Variants in NDOR1 observed in about 807,000 individuals in gnomAD.
NDOR1 encodes the protein NADPH dependent diflavin oxidoreductase 1, also known as NADPH-dependent diflavin oxidoreductase 1.
In NDOR1, 61 loss-of-function variants were observed where a neutral mutation model predicts 67.2. That is an observed-to-expected ratio of 0.91 (90% CI 0.74 to 1.12). The LOEUF (loss-of-function observed/expected upper bound fraction) is 1.12. NDOR1 is among the 50% of genes most tolerant of loss of function. NDOR1 has a pLI of 0.00. For missense variants in NDOR1, 878 were observed against 802.8 expected, an observed-to-expected ratio of 1.09 and a Z score of -1.13; for synonymous variants, 378 against 343.7, an observed-to-expected ratio of 1.10 and a Z score of -1.10.
intron 2 of NDOR1, among the ~76,000 whole-genome samples, chr9:137,208,162 A>G (rs1000521730): frequency 6.8e-6 from 1 of 146,396 alleles, no homozygotes; most frequent in African/African-American, 2.5e-5. Context: ...AAAAAAAAAG[A>G]AAAAGAGCCG....
Position 137,215,339 on chromosome 9 carries a change from GGGCCCAC to G in NDOR1, c.1174-61_1174-55del. 3 of 1,564,708 alleles carry G rather than the reference GGGCCCAC, an allele frequency of 1.9e-6. No homozygotes were observed. In the East Asian group the frequency reaches 6.8e-5, roughly 35 times the overall value. On this transcript the variant is annotated intron_variant, in intron 9 of 13. Transcript: ENST00000684003. The stretch of plus-strand genomic sequence containing the variant: ...GGACTGCCTCTGCGGGAGGTAGGTG[GGGCCCAC>G]GGCCCAGGCACAGGTGAGGGCAGCC...
In NDOR1 at chr9:137,216,175, T is replaced by C. The variant is rs201673229; in HGVS notation, c.1636T>C (p.Phe546Leu). The change falls in exon 13 of 14, where the codon TTC (phenylalanine) becomes CTC (leucine). Residue 546 changes from phenylalanine (F) to leucine (L), a missense_variant. Physicochemically the swap from Phe to Leu is conservative, Grantham distance 22 (BLOSUM62 0). Coordinates refer to ENST00000684003, the MANE Select transcript of NDOR1 (RefSeq NM_014434.4). ...ACTGCTGGACCGCCAGGGTGCATACTTCTACCTGGCAGGGTGAGCTGGCCT... is the reference window on the plus strand; with the variant it reads ...ACTGCTGGACCGCCAGGGTGCATACCTCTACCTGGCAGGGTGAGCTGGCCT... ...WELLDRQGAY[F>L]YLAGNAKSMP... 6.8e-6 allele frequency: 11 copies of C among 1,613,358 alleles called. No individual in the cohort carries two copies. Among genetic ancestry groups the C allele is most frequent in the East Asian group, 4.5e-5 (2 of 44,896 alleles).
Position 137,206,023 on chromosome 9 carries a change from C to T in NDOR1, c.135+111C>T, listed in dbSNP as rs1467183692. On this transcript the variant is annotated intron_variant, in intron 1 of 13. Transcript: ENST00000684003. ...ATTTTCTCTGAGAGCGGGTCTTTCCCTTATGGCGGATTTAGGGAAGGAGGT... is the reference window on the plus strand; with the variant it reads ...ATTTTCTCTGAGAGCGGGTCTTTCCTTTATGGCGGATTTAGGGAAGGAGGT... 7 of 1,486,104 alleles carry T rather than the reference C, an allele frequency of 4.7e-6. No individual in the cohort carries two copies. The African/African-American group carries it at 5.6e-5, about 12-fold the overall frequency. 92.1% of individuals were successfully genotyped at this position (1,486,104 alleles called of 1,614,324 possible).
chr9:137,211,342 G>A (rs1835247242), intron 2 of NDOR1, among the ~76,000 whole-genome samples: 1 of 152,174 alleles, frequency 6.6e-6, no homozygotes, highest in South Asian at 2.1e-4. Context: ...GGGCCCTGCT[G>A]AGAATGAAAG....
chr9:137,209,719 G>A (rs1835157295), intron 2 of NDOR1, among the ~76,000 whole-genome samples: 1 of 152,222 alleles, frequency 6.6e-6, no homozygotes, highest in Non-Finnish European at 1.5e-5. Flanking sequence ...TGAGGCAGGT[G>A]CCCCCAGCAG....
chr9:137,215,187 C>T lies in NDOR1; in HGVS notation c.1158C>T (p.Ile386=), dbSNP rs141226458. The change falls in exon 9 of 14, where the codon ATC becomes ATT. Residue 386 remains isoleucine (I), a synonymous_variant. Coordinates refer to ENST00000684003, the MANE Select transcript of NDOR1 (RefSeq NM_014434.4). The part of the protein sequence containing the change: ...IPVIRPRAFS[I]ASSLLTHPSR... ...TTATCCGGCCGAGGGCCTTCTCCAT[C>T]GCCTCCTCGCTGCTGGTGAGGGGCC... The T allele has an allele frequency of 5.5e-5, 88 of 1,611,956 alleles. No homozygotes were observed. Among genetic ancestry groups the T allele is most frequent in the Non-Finnish European group, 7.3e-5 (86 of 1,179,684 alleles).
At position 137,212,061 on chromosome 9, in the gene NDOR1, G is replaced by A. The variant is rs1195070194; in HGVS notation, c.214-441G>A. ...ATGGACCTCAGAGGTCTGAGTATAG[G>A]AGCCTCTGGGACAGACCAACTCAGG... On this transcript the variant is annotated intron_variant, in intron 2 of 13. Coordinates refer to ENST00000684003, the MANE Select transcript of NDOR1 (RefSeq NM_014434.4). This position sits in a 1 kb window ranked among gnomAD's most constrained non-coding sequence, Gnocchi z 4.3. Among the ~76,000 whole-genome samples, 2 of 152,132 alleles carry A rather than the reference G, an allele frequency of 1.3e-5. No homozygotes were observed. Among genetic ancestry groups the A allele is most frequent in the Non-Finnish European group, 2.9e-5 (2 of 68,010 alleles).
chr9:137,217,720 C>A lies in NDOR1; in HGVS notation c.*1304C>A. 2.8e-6 allele frequency: 1 copy of A among 358,180 alleles called. No homozygotes were observed. 22.2% of individuals were successfully genotyped at this position (358,180 alleles called of 1,614,324 possible). On this transcript the variant is annotated 3_prime_UTR_variant, in exon 14 of 14. Coordinates refer to ENST00000684003, the MANE Select transcript of NDOR1 (RefSeq NM_014434.4). ...GCCAGAGCTCTGGTGGAGCCCAGAC[C>A]CTGCCTTCCCTGAGGGCCGCCCCTG...
At chr9:137,215,282 CT>C (rs1835501490) in intron 9 of NDOR1, 80 bp downstream of exon 9, 2 of 1,544,402 alleles carry the variant, frequency 1.3e-6, no homozygotes, top group Non-Finnish European at 1.8e-6. Context: ...TAAGCAGGGG[CT>C]GCCCTCTGAC....
Position 137,213,966 on chromosome 9 carries a change from G to T in NDOR1, c.411-1G>T, listed in dbSNP as rs974206999. On this transcript the variant is annotated splice_acceptor_variant, in intron 4 of 13. Transcript: ENST00000684003. LOFTEE classifies it high-confidence loss of function. ...AGGCCAGCGCACGTGCTCCCTCCCA[G>T]GCCCGACGCTGCTGTGGACCCCTGG... 6.4e-7 allele frequency: 1 copy of T among 1,563,028 alleles called. No individual in the cohort carries two copies. Among genetic ancestry groups the T allele is most frequent in the Non-Finnish European group, 8.7e-7 (1 of 1,154,994 alleles).
Position 137,215,203 on chromosome 9 carries a change from G to T in NDOR1, c.1173+1G>T, listed in dbSNP as rs199975136. 195 of 1,609,958 alleles carry T rather than the reference G, an allele frequency of 1.2e-4. No homozygotes were observed. The highest frequency in any genetic ancestry group is 3.2e-5 in the Non-Finnish European group (38 of 1,178,834). On this transcript the variant is annotated splice_donor_variant, in intron 9 of 13. Transcript: ENST00000684003. LOFTEE classifies it high-confidence loss of function. The stretch of plus-strand genomic sequence containing the variant: ...CTTCTCCATCGCCTCCTCGCTGCTG[G>T]TGAGGGGCCTGGTGGTTGGAGCCCA...
chr9:137,219,157 C>G lies in NDOR1; in HGVS notation c.*2741C>G, dbSNP rs1835776323. ...TTCAGCCTGCAAAGGCTCCTCTCCC[C>G]ACTTGATCAGGCCCAGACCAGGTGG... On this transcript the variant is annotated 3_prime_UTR_variant, in exon 14 of 14. Coordinates refer to ENST00000684003, the MANE Select transcript of NDOR1 (RefSeq NM_014434.4). 2 of 152,592 alleles carry G rather than the reference C, an allele frequency of 1.3e-5. No individual in the cohort carries two copies. Among genetic ancestry groups the G allele is most frequent in the Admixed American group, 1.3e-4 (2 of 15,288 alleles). 9.5% of individuals were successfully genotyped at this position (152,592 alleles called of 1,614,324 possible). A position where few individuals can be genotyped will look rare whatever the true frequency, so the allele number is the denominator to read the frequency against.
intron 3 of NDOR1, among the ~76,000 whole-genome samples, chr9:137,213,177 C>G (rs1031242652): frequency 2.0e-5 from 3 of 152,234 alleles, no homozygotes; most frequent in East Asian, 1.9e-4. Flanking sequence ...CAGCTCCCCC[C>G]GGTTCTGCCG....
Position 137,214,617 on chromosome 9 carries a change from C to G in NDOR1, c.770C>G (p.Ala257Gly), listed in dbSNP as rs1318724549. ...VVLIQPSNSA[A>G]HVQRFCQVLG... ...CTGATTCAGCCCTCCAACTCGGCTGCCCATGTCCAGCGGTTCTGCCAGGTG... is the reference window on the plus strand; with the variant it reads ...CTGATTCAGCCCTCCAACTCGGCTGGCCATGTCCAGCGGTTCTGCCAGGTG... Residue 257 changes from alanine (A) to glycine (G), a missense_variant, in exon 7 of 14, where the codon GCC (alanine) becomes GGC (glycine). Transcript: ENST00000684003. 6.2e-7 allele frequency: 1 copy of G among 1,610,386 alleles called. No homozygotes were observed. The highest frequency in any genetic ancestry group is 1.3e-5 in the African/African-American group (1 of 74,930).
chr9:137,214,945 T>C lies in NDOR1; in HGVS notation c.992T>C (p.Leu331Pro). The change falls in exon 8 of 14, where the codon CTG (leucine) becomes CCG (proline). Residue 331 changes from leucine to proline, a missense_variant. Coordinates refer to ENST00000684003, the MANE Select transcript of NDOR1 (RefSeq NM_014434.4). ...SLHELEREKL[L>P]EFSSAQGQEE... Reference sequence around the variant, plus strand: ...CATGAGCTGGAGCGGGAGAAGCTGCTGGAGTTCAGTTCTGCCCAAGGCCAG... The same window carrying C: ...CATGAGCTGGAGCGGGAGAAGCTGCCGGAGTTCAGTTCTGCCCAAGGCCAG... The C allele has an allele frequency of 6.2e-7, 1 of 1,613,564 alleles. No homozygotes were observed. Among genetic ancestry groups the C allele is most frequent in the Non-Finnish European group, 8.5e-7 (1 of 1,180,034 alleles).
chr9:137,217,866 C>T lies in NDOR1; in HGVS notation c.*1450C>T. The stretch of plus-strand genomic sequence containing the variant: ...GACTCCAGCTCTGGGCCTGTCAGTC[C>T]ACCTGGGTCCTCTCTGGGCCCTGAG... On this transcript the variant is annotated 3_prime_UTR_variant, in exon 14 of 14. Transcript: ENST00000684003. 2.5e-6 allele frequency: 1 copy of T among 398,180 alleles called. No homozygotes were observed. Among genetic ancestry groups the T allele is most frequent in the Non-Finnish European group, 4.4e-6 (1 of 226,356 alleles). The allele number at this position is 398,180 out of a possible 1,614,324, so 24.7% of individuals were successfully genotyped here.
chr9:137,206,141 A>C, intron 1 of NDOR1, 91 bp from the exon 2 acceptor site: 1 of 1,531,862 alleles, frequency 6.5e-7, no homozygotes, highest in Non-Finnish European at 9.0e-7. Context: ...CTGCCCTGTC[A>C]GCCTGAGTAA....
At position 137,218,657 on chromosome 9, in the gene NDOR1, C is replaced by T. The variant is rs1231017847; in HGVS notation, c.*2241C>T. On this transcript the variant is annotated 3_prime_UTR_variant, in exon 14 of 14. Coordinates refer to ENST00000684003, the MANE Select transcript of NDOR1 (RefSeq NM_014434.4). Reference sequence around the variant, plus strand: ...AGGCCAGGGGGCCCAGACTGGCCCACGTCCCCATGCCTGGGTGCTGTGAGG... The same window carrying T: ...AGGCCAGGGGGCCCAGACTGGCCCATGTCCCCATGCCTGGGTGCTGTGAGG... 36 of 398,368 alleles carry T rather than the reference C, an allele frequency of 9.0e-5. No homozygotes were observed. The Admixed American group carries it at 1.4e-3, about 16-fold the overall frequency. 24.7% of individuals were successfully genotyped at this position (398,368 alleles called of 1,614,324 possible).
At chr9:137,206,340 C>CCT in intron 2 of NDOR1, 31 bp downstream of exon 2, 3 of 1,609,762 alleles carry the variant, frequency 1.9e-6, no homozygotes, top group Non-Finnish European at 2.6e-6. Flanking sequence ...CTCCTCAGAT[C>CCT]CCTGCCCTCG....
Sources: gnomAD v4.1 joint callset for allele counts (sites outside exome capture counted in the v4.1 genomes callset) on GRCh38, gnomAD v4.1.1 for gene constraint, Gnocchi (gnomAD v3.1) non-coding constraint, MANE v1.5 for transcripts, NCBI Gene and HGNC (gene_info 2026-07-23, HGNC 2026-07-21) for gene names.